Variants in ASAP2 observed in about 807,000 individuals in gnomAD.
ASAP2 encodes the protein arf-GAP with SH3 domain, ANK repeat and PH domain-containing protein 2.
Under a neutral mutation model 131.4 loss-of-function variants are expected in ASAP2, and 45 were observed. That is an observed-to-expected ratio of 0.34 (90% confidence interval 0.27 to 0.44). The LOEUF is 0.44. ASAP2 is among the 20% of genes least tolerant of loss of function. The pLI is 1.00. For synonymous variants in ASAP2, 510 were observed against 503.0 expected (o/e 1.01, Z -0.19); for missense variants, 1,011 against 1,297.0 (o/e 0.78, Z 3.39).
intron 1 of ASAP2, among the ~76,000 whole-genome samples, chr2:9,218,333 G>T (rs1259505694): frequency 6.6e-6 from 1 of 152,222 alleles, no homozygotes; most frequent in Non-Finnish European, 1.5e-5. Flanking sequence ...CTTAACATCA[G>T]AAGTGTTTAT....
At chr2:9,403,153 C>T in intron 27 of ASAP2, 100 bp from the exon 28 acceptor site, 1 of 950,070 alleles carries the variant, frequency 1.1e-6, no homozygotes, top group Non-Finnish European at 1.6e-6. Context: ...TCTTCTGAAC[C>T]AATCTTGCTT....
In ASAP2 at chr2:9,356,322, T is replaced by A. The variant is rs1375083080; in HGVS notation, c.1304T>A (p.Val435Asp). Reference sequence around the variant, plus strand: ...GTGCAGAGGATGACGGGCAATGACGTCTGCTGTGACTGTGGGGCGCCAGGT... The same window carrying A: ...GTGCAGAGGATGACGGGCAATGACGACTGCTGTGACTGTGGGGCGCCAGGT... Reference protein sequence around the residue: ...SEVQRMTGNDVCCDCGAPDPT... With the variant: ...SEVQRMTGNDDCCDCGAPDPT... Residue 435 changes from valine to aspartate, a missense_variant, in exon 14 of 28, where the codon GTC becomes GAC. Val to Asp is a radical substitution (Grantham distance 152). Around this residue, in one of 2 missense-constraint regions of ASAP2, gnomAD observed 359 missense variants for 598.1 expected, o/e 0.60. Coordinates refer to ENST00000281419, the MANE Select transcript of ASAP2 (RefSeq NM_003887.3). 1 of 1,605,674 alleles carries A rather than the reference T, an allele frequency of 6.2e-7. No homozygotes were observed.
intron 1 of ASAP2, among the ~76,000 whole-genome samples, chr2:9,251,431 T>G (rs565688599): frequency 6.6e-6 from 1 of 152,210 alleles, no homozygotes; most frequent in South Asian, 2.1e-4. Flanking sequence ...GGCTGCTCAG[T>G]GGGTCTGGGC....
chr2:9,384,786 T>C (rs528170955), intron 20 of ASAP2, among the ~76,000 whole-genome samples: 1 of 152,326 alleles, frequency 6.6e-6, no homozygotes, highest in African/African-American at 2.4e-5. Flanking sequence ...ACCAGTCCTC[T>C]TTGATTTTTA....
rs7581593 is a variant in ASAP2 at position 9,258,894 on chromosome 2, G to A, written c.127-20423G>A. Among the ~76,000 whole-genome samples, 245 of 152,326 alleles carry A rather than the reference G, an allele frequency of 1.6e-3. 2 individuals carry two copies. The highest frequency in any genetic ancestry group is 5.5e-3 in the African/African-American group (227 of 41,580). On this transcript the variant is annotated intron_variant, in intron 1 of 27. Coordinates refer to ENST00000281419, the MANE Select transcript of ASAP2 (RefSeq NM_003887.3). ...TTTGCTTTTAGGACTCAGCATTTTAGAGTCTGTAGGTCCATGCTCCTGATT... is the reference window on the plus strand; with the variant it reads ...TTTGCTTTTAGGACTCAGCATTTTAAAGTCTGTAGGTCCATGCTCCTGATT...
rs2709560 is a variant in ASAP2 at position 9,389,915 on chromosome 2, G to A, written c.2384-1147G>A. Among the ~76,000 whole-genome samples the A allele has an allele frequency of 0.11, 16,463 of 152,112 alleles. 954 individuals are homozygous for A. Among genetic ancestry groups the A allele is most frequent in the African/African-American group, 0.15 (6,342 of 41,480 alleles). On this transcript the variant is annotated intron_variant, in intron 22 of 27. Coordinates refer to ENST00000281419, the MANE Select transcript of ASAP2 (RefSeq NM_003887.3). This position sits in a 1 kb window ranked among gnomAD's most constrained non-coding sequence, Gnocchi z 4.7. The stretch of plus-strand genomic sequence containing the variant: ...CCAGGGTGGGTGCGGCTTTCTCCCC[G>A]CCTCTCCCAGATCCTGCAGGCAGGC...
intron 9 of ASAP2, 28 bp downstream of exon 9, chr2:9,335,207 C>G: frequency 2.5e-6 from 4 of 1,595,898 alleles, no homozygotes; most frequent in Non-Finnish European, 3.4e-6. Context: ...TGAAAGATTG[C>G]AGTTTTCACC....
At chr2:9,278,652 G>T (rs1666915990) in intron 1 of ASAP2, among the ~76,000 whole-genome samples, 1 of 152,154 alleles carries the variant, frequency 6.6e-6, no homozygotes, top group Non-Finnish European at 1.5e-5. Context: ...GCTGGACATT[G>T]TGAGTGCCAT....
intron 17 of ASAP2, 98 bp from the exon 18 acceptor site, chr2:9,376,810 A>G: frequency 3.6e-6 from 4 of 1,108,068 alleles, no homozygotes; most frequent in Non-Finnish European, 5.4e-6. Flanking sequence ...GGGAAAGATA[A>G]AAGACTTTTG....
At chr2:9,360,892 G>T (rs1281754978) in intron 15 of ASAP2, among the ~76,000 whole-genome samples, 3 of 152,182 alleles carry the variant, frequency 2.0e-5, no homozygotes, top group African/African-American at 4.8e-5. Flanking sequence ...TGACTCATAT[G>T]AGCTGGTAGG....
At chr2:9,214,759 C>T (rs1661878939) in intron 1 of ASAP2, among the ~76,000 whole-genome samples, 1 of 134,940 alleles carries the variant, frequency 7.4e-6, no homozygotes, top group Non-Finnish European at 1.6e-5. Flanking sequence ...TAAAAGTGGA[C>T]AGGATGGCCT....
At chr2:9,304,726 A>C (rs1296788931) in intron 3 of ASAP2, among the ~76,000 whole-genome samples, 2 of 88,792 alleles carry the variant, frequency 2.3e-5, no homozygotes, top group Non-Finnish European at 4.3e-5. Context: ...GGGCTGGACT[A>C]GTGGGGTATA....
chr2:9,368,464 A>C lies in ASAP2; in HGVS notation c.1501A>C (p.Met501Leu), dbSNP rs759254805. The C allele has an allele frequency of 1.9e-6, 3 of 1,614,172 alleles. No individual in the cohort carries two copies. Among genetic ancestry groups the C allele is most frequent in the African/African-American group, 2.7e-5 (2 of 75,030 alleles). ...NIGNAGFNEI[M>L]ECCLPAEDSV... is the part of the protein sequence containing the mutation. ...TGGGAATGCAGGCTTTAATGAGATC[A>C]TGGAATGTTGCCTACCAGCTGAGGA... The change falls in exon 16 of 28, where the codon ATG (methionine) becomes CTG (leucine). Residue 501 changes from methionine (M) to leucine (L), a missense_variant. Physicochemically the swap from Met to Leu is conservative, Grantham distance 15 (BLOSUM62 2). Coordinates refer to ENST00000281419, the MANE Select transcript of ASAP2 (RefSeq NM_003887.3).
At chr2:9,246,966 A>G (rs1452102283) in intron 1 of ASAP2, among the ~76,000 whole-genome samples, 2 of 152,130 alleles carry the variant, frequency 1.3e-5, no homozygotes, top group African/African-American at 2.4e-5. Context: ...TCAGCCTCCC[A>G]TGTAGCTGGG....
chr2:9,263,693 C>T (rs2666219), intron 1 of ASAP2, among the ~76,000 whole-genome samples: 47,371 of 151,908 alleles, frequency 0.31, 7,565 homozygotes, highest in African/African-American at 0.41. Context: ...TGCAGCCTCT[C>T]GTTGTTCATG....
At chr2:9,265,091 A>G (rs1572291661) in intron 1 of ASAP2, among the ~76,000 whole-genome samples, 1 of 152,230 alleles carries the variant, frequency 6.6e-6, no homozygotes, top group East Asian at 1.9e-4. Flanking sequence ...AGCCGTGATC[A>G]CACCACTGCA....
intron 5 of ASAP2, among the ~76,000 whole-genome samples, chr2:9,320,783 G>A (rs924467434): frequency 6.6e-6 from 1 of 152,158 alleles, no homozygotes; most frequent in African/African-American, 2.4e-5. Flanking sequence ...TTTAGAAAGA[G>A]GGTTCAATAC....
At chr2:9,249,043 G>A (rs1464959629) in intron 1 of ASAP2, among the ~76,000 whole-genome samples, 3 of 152,222 alleles carry the variant, frequency 2.0e-5, no homozygotes, top group Non-Finnish European at 4.4e-5. Context: ...TTTTATTTTA[G>A]CATTCTCCTG....
chr2:9,266,222 C>T (rs141186048), intron 1 of ASAP2, among the ~76,000 whole-genome samples: 135 of 151,010 alleles, frequency 8.9e-4, no homozygotes, highest in Middle Eastern at 3.4e-3. Context: ...TCATAGCCCA[C>T]TGCAGCCTCG....
Sources: gnomAD v4.1 joint callset for allele counts (sites outside exome capture counted in the v4.1 genomes callset) on GRCh38, gnomAD v4.1.1 for gene constraint, gnomAD v4.1.1 regional missense constraint, Gnocchi (gnomAD v3.1) non-coding constraint, MANE v1.5 for transcripts, NCBI Gene and HGNC (gene_info 2026-07-23, HGNC 2026-07-21) for gene names.